ABI3BP: variants seen among roughly 807,000 people sequenced by gnomAD.
ABI3BP encodes target of Nesh-SH3.
In ABI3BP, 216 loss-of-function variants were observed where a neutral mutation model predicts 268.6. The observed-to-expected ratio is 0.80, with a 90% CI of 0.72 to 0.90. ABI3BP has a LOEUF of 0.90. Among genes scored for constraint, ABI3BP ranks in the 40% least tolerant of loss-of-function variants. The pLI is 0.00. For missense variants in ABI3BP, 2,090 were observed against 2,182.4 expected (o/e 0.96, Z 0.84); for synonymous variants, 730 against 730.0 (o/e 1.00, Z 0.00).
chr3:100,749,532 TA>T lies in ABI3BP; in HGVS notation c.*962del. 1 of 394,820 alleles carries T rather than the reference TA, an allele frequency of 2.5e-6. No homozygotes were observed. Among genetic ancestry groups the T allele is most frequent in the Non-Finnish European group, 4.5e-6 (1 of 224,334 alleles). 24.5% of individuals were successfully genotyped at this position (394,820 alleles called of 1,614,324 possible). A position where few individuals can be genotyped will look rare whatever the true frequency, so the allele number is the denominator to read the frequency against. ...TTTTAATAGAAATAAATGAGTTAGT[TA>T]GTTAGATTTTTATTACAGATTGAAT... On this transcript the variant is annotated 3_prime_UTR_variant, in exon 68 of 68. Coordinates refer to ENST00000471714, the MANE Select transcript of ABI3BP (RefSeq NM_001375547.2).
At chr3:100,949,175 T>G (rs2073856009) in intron 1 of ABI3BP, among the ~76,000 whole-genome samples, 1 of 152,212 alleles carries the variant, frequency 6.6e-6, no homozygotes, top group African/African-American at 2.4e-5. Flanking sequence ...TTTTCTTTGA[T>G]AGTAGGTAAA....
intron 64 of ABI3BP, 60 bp from the exon 65 acceptor site, chr3:100,753,908 G>GC: frequency 6.6e-7 from 1 of 1,524,374 alleles, no homozygotes; most frequent in Non-Finnish European, 9.0e-7. Flanking sequence ...CATTCCAGTG[G>GC]CATGGTGAAG....
rs1033394797 is a variant in ABI3BP, at chr3:100,749,822, CAA to C, written c.*671_*672del. 15 of 397,156 alleles carry C rather than the reference CAA, an allele frequency of 3.8e-5. No individual in the cohort carries two copies. Among genetic ancestry groups the C allele is most frequent in the African/African-American group, 8.2e-5 (4 of 48,534 alleles). The allele number at this position is 397,156 out of a possible 1,614,324, so 24.6% of individuals were successfully genotyped here. On this transcript the variant is annotated 3_prime_UTR_variant, in exon 68 of 68. Coordinates refer to ENST00000471714, the MANE Select transcript of ABI3BP (RefSeq NM_001375547.2). ...GTGGGTAAAAATGTATCTTTTGAAACAATATATTAGACTCCATTTTTAGCTGA... is the reference window on the plus strand; with the variant it reads ...GTGGGTAAAAATGTATCTTTTGAAACTATATTAGACTCCATTTTTAGCTGA...
intron 14 of ABI3BP, among the ~76,000 whole-genome samples, chr3:100,856,339 A>G (rs901464752): frequency 2.0e-5 from 3 of 152,218 alleles, no homozygotes; most frequent in East Asian, 1.9e-4. Context: ...CTCTACTTCT[A>G]CAAAGTACTG....
chr3:100,755,658 C>T (rs1205570972), intron 63 of ABI3BP, among the ~76,000 whole-genome samples: 1 of 152,118 alleles, frequency 6.6e-6, no homozygotes, highest in African/African-American at 2.4e-5. Context: ...AATTTTTATT[C>T]ATAAAATATG....
chr3:100,812,021 C>T (rs1328397923), intron 46 of ABI3BP, among the ~76,000 whole-genome samples: 1 of 151,932 alleles, frequency 6.6e-6, no homozygotes, highest in African/African-American at 2.4e-5. Context: ...ATGCACACCC[C>T]ATACATAATG....
intron 44 of ABI3BP, among the ~76,000 whole-genome samples, chr3:100,814,856 A>G (rs2097974873): frequency 6.6e-6 from 1 of 152,170 alleles, no homozygotes; most frequent in Non-Finnish European, 1.5e-5. Context: ...TGTAGGGCAC[A>G]CGATGAATTT....
chr3:100,894,937 T>A (rs2046620074), intron 4 of ABI3BP, among the ~76,000 whole-genome samples: 1 of 6,660 alleles, frequency 1.5e-4, no homozygotes, highest in Non-Finnish European at 3.3e-4. Context: ...GGATTCCGCT[T>A]CAAAAAAAAA....
chr3:100,810,984 T>C (rs2097849442), intron 48 of ABI3BP, among the ~76,000 whole-genome samples: 1 of 152,126 alleles, frequency 6.6e-6, no homozygotes, highest in Admixed American at 6.6e-5. Context: ...GAAGAAAATA[T>C]TTTAGATTCA....
At position 100,848,800 on chromosome 3, in the gene ABI3BP, C is replaced by A. The variant is rs770188106; in HGVS notation, c.1576+1G>T. On this transcript the variant is annotated splice_donor_variant, in intron 18 of 67. Coordinates refer to ENST00000471714, the MANE Select transcript of ABI3BP (RefSeq NM_001375547.2). LOFTEE classifies it high-confidence loss of function. ...TCATGTAAATATAAAGAGACATTTA[C>A]CAGGTTTGGTTCTTGGCGGTTTGGG... The A allele has an allele frequency of 3.8e-5, 61 of 1,610,016 alleles. 1 individual carries two copies. The South Asian group carries it at 6.6e-4, about 17-fold the overall frequency.
At chr3:100,867,486 A>G (rs2099063628) in intron 9 of ABI3BP, among the ~76,000 whole-genome samples, 1 of 142,082 alleles carries the variant, frequency 7.0e-6, no homozygotes, top group East Asian at 1.9e-4. Context: ...CTAAATATAC[A>G]AAAAATTAGC....
chr3:100,975,332 G>C (rs1477770885), intron 1 of ABI3BP, among the ~76,000 whole-genome samples: 1 of 152,036 alleles, frequency 6.6e-6, no homozygotes, highest in South Asian at 2.1e-4. Flanking sequence ...ATATACCTGC[G>C]CTTCTAGTAA....
At chr3:100,814,747 T>C (rs1371076778) in intron 44 of ABI3BP, among the ~76,000 whole-genome samples, 3 of 152,084 alleles carry the variant, frequency 2.0e-5, no homozygotes, top group Non-Finnish European at 4.4e-5. Flanking sequence ...GAGGAAATGA[T>C]TGTCTTCTTA....
At chr3:100,833,057 T>A in intron 30 of ABI3BP, 68 bp downstream of exon 30, 1 of 1,358,058 alleles carries the variant, frequency 7.4e-7, no homozygotes, top group South Asian at 1.3e-5. Flanking sequence ...ATAGCCTATA[T>A]AGCACCATAG....
chr3:100,812,695 C>T (rs7632038), intron 45 of ABI3BP, among the ~76,000 whole-genome samples, 172 bp from the exon 46 acceptor site: 48,303 of 151,854 alleles, frequency 0.32, 10,686 homozygotes, highest in African/African-American at 0.63. Flanking sequence ...AACTACTGTA[C>T]GTTACCATTA....
At chr3:100,801,347 C>G (rs975400580) in intron 51 of ABI3BP, among the ~76,000 whole-genome samples, 4 of 149,008 alleles carry the variant, frequency 2.7e-5, no homozygotes, top group Admixed American at 6.8e-5. Context: ...AGGATCACTT[C>G]AGCCCAGGGG....
At chr3:100,805,165 A>G (rs953459016) in intron 50 of ABI3BP, among the ~76,000 whole-genome samples, 10 of 152,118 alleles carry the variant, frequency 6.6e-5, no homozygotes, top group African/African-American at 2.4e-4. Flanking sequence ...CAATGGAATG[A>G]ATGTAAGAGA....
intron 6 of ABI3BP, among the ~76,000 whole-genome samples, chr3:100,885,181 T>C (rs2041349582): frequency 1.3e-5 from 2 of 151,968 alleles, no homozygotes; most frequent in Admixed American, 1.3e-4. Context: ...AAAGGAAAGG[T>C]TTGAGCTGTA....
Position 100,829,608 on chromosome 3 carries a change from T to C in ABI3BP, c.2515A>G (p.Ser839Gly). Reference protein sequence around the residue: ...RPHPKPKTTLSPEELQTELVP... With the variant: ...RPHPKPKTTLGPEELQTELVP... ...AGTTCAGTCTGAAGCTCTTCGGGAC[T>C]CAGTGTGGTTTTAGGTTTGGGATGT... The change falls in exon 33 of 68, where the codon AGT becomes GGT. Residue 839 changes from serine to glycine, a missense_variant. Coordinates refer to ENST00000471714, the MANE Select transcript of ABI3BP (RefSeq NM_001375547.2). 6.5e-7 allele frequency: 1 copy of C among 1,535,696 alleles called. No homozygotes were observed. Among genetic ancestry groups the C allele is most frequent in the Non-Finnish European group, 8.7e-7 (1 of 1,146,480 alleles).
Sources: gnomAD v4.1 joint callset for allele counts (sites outside exome capture counted in the v4.1 genomes callset) on GRCh38, gnomAD v4.1.1 for gene constraint, MANE v1.5 for transcripts, NCBI Gene and HGNC (gene_info 2026-07-23, HGNC 2026-07-21) for gene names.